Variants in TTK observed in about 807,000 individuals in gnomAD.
TTK encodes the protein TTK protein kinase.
In TTK, 59 loss-of-function variants were observed where a neutral mutation model predicts 117.3. The ratio of observed to expected loss-of-function variants is 0.50; its 90% CI spans 0.41 to 0.62. TTK has a LOEUF of 0.62. TTK is among the 20% of genes least tolerant of loss of function. The pLI is 0.00. For missense variants in TTK, 921 were observed against 989.4 expected (o/e 0.93, Z 0.93); for synonymous variants, 302 against 325.0 (o/e 0.93, Z 0.76).
chr6:80,010,758 T>G (rs1767120148), intron 4 of TTK, 56 bp from the exon 5 acceptor site: 7 of 1,502,752 alleles, frequency 4.7e-6, no homozygotes, highest in Non-Finnish European at 6.2e-6. Context: ...ATCTGGGTGG[T>G]CTGGGTGGTG....
At chr6:80,030,804 A>G (rs1206322679) in intron 13 of TTK, among the ~76,000 whole-genome samples, 1 of 152,178 alleles carries the variant, frequency 6.6e-6, no homozygotes, top group African/African-American at 2.4e-5. Context: ...CATTGCTGAA[A>G]TTTGCATTTG....
chr6:80,031,659 G>A, intron 14 of TTK, 100 bp downstream of exon 14: 1 of 839,760 alleles, frequency 1.2e-6, no homozygotes, highest in Non-Finnish European at 1.7e-6. Context: ...TTACTTCTAG[G>A]GGCGATGCTG....
chr6:80,021,580 T>C (rs1767459752), intron 10 of TTK, among the ~76,000 whole-genome samples: 1 of 152,160 alleles, frequency 6.6e-6, no homozygotes. Flanking sequence ...CAAAAGACCA[T>C]TTCAACTTTT....
intron 21 of TTK, 49 bp downstream of exon 21, chr6:80,040,752 A>C (rs1177732794): frequency 6.4e-7 from 1 of 1,553,668 alleles, no homozygotes; most frequent in East Asian, 2.3e-5. Flanking sequence ...TATATAGTGA[A>C]TTCGACACTT....
chr6:80,041,087 G>A (rs1768038389), intron 21 of TTK, among the ~76,000 whole-genome samples: 1 of 151,610 alleles, frequency 6.6e-6, no homozygotes, highest in African/African-American at 2.4e-5. Context: ...CTTTTTTGAA[G>A]CTGTACACAG....
chr6:80,025,816 T>C (rs1313515487), intron 11 of TTK, among the ~76,000 whole-genome samples: 2 of 151,864 alleles, frequency 1.3e-5, no homozygotes, highest in Non-Finnish European at 2.9e-5. Flanking sequence ...CGGATGTTCC[T>C]TCATCATTGT....
intron 20 of TTK, 103 bp downstream of exon 20, chr6:80,040,383 C>G (rs775771741): frequency 7.6e-6 from 8 of 1,047,362 alleles, no homozygotes; most frequent in Non-Finnish European, 1.1e-5. Context: ...TACCCTTTGT[C>G]AGCCTGCCTT....
At chr6:80,040,978 G>A (rs1351152495) in intron 21 of TTK, among the ~76,000 whole-genome samples, 1 of 151,752 alleles carries the variant, frequency 6.6e-6, no homozygotes, top group Non-Finnish European at 1.5e-5. Context: ...ATTTAATATA[G>A]GAATATAGTG....
rs934998687 is a variant in TTK, at chr6:80,010,904, T to G, written c.560T>G (p.Leu187Ter). ...LEMLEIALRN[L>*]NLQKKQLLSE... Reference sequence around the variant, plus strand: ...ATGCTGGAAATTGCCCTGCGGAATTTAAACCTCCAAAAAAAGCAGCTGCTT... The same window carrying G: ...ATGCTGGAAATTGCCCTGCGGAATTGAAACCTCCAAAAAAAGCAGCTGCTT... The change falls in exon 5 of 22, where the codon TTA becomes TGA. Residue 187 changes from leucine to a stop codon, truncating the protein, a stop_gained. Coordinates refer to ENST00000369798, the MANE Select transcript of TTK (RefSeq NM_003318.5). LOFTEE classifies it high-confidence loss of function. 14 of 1,612,360 alleles carry G rather than the reference T, an allele frequency of 8.7e-6. No homozygotes were observed. Among genetic ancestry groups the G allele is most frequent in the Non-Finnish European group, 1.2e-5 (14 of 1,178,774 alleles).
At chr6:80,031,178 TA>T (rs1767751305) in intron 13 of TTK, among the ~76,000 whole-genome samples, 2 of 151,610 alleles carry the variant, frequency 1.3e-5, no homozygotes, top group Admixed American at 1.3e-4. Context: ...TTTTTATATA[TA>T]TTTTTAAGCT....
Position 80,014,459 on chromosome 6 carries a change from G to A in TTK, c.985-4G>A. On this transcript the variant is annotated splice_polypyrimidine_tract_variant and splice_region_variant and intron_variant, in intron 9 of 21. Coordinates refer to ENST00000369798, the MANE Select transcript of TTK (RefSeq NM_003318.5). Reference sequence around the variant, plus strand: ...GACTTTATTTGATTTTCTTTTTCATGTAGTCTGTTCAAAATAGTCATTTCA... The same window carrying A: ...GACTTTATTTGATTTTCTTTTTCATATAGTCTGTTCAAAATAGTCATTTCA... 1.3e-6 allele frequency: 2 copies of A among 1,595,320 alleles called. No homozygotes were observed. Among genetic ancestry groups the A allele is most frequent in the Non-Finnish European group, 1.7e-6 (2 of 1,172,664 alleles).
chr6:80,017,364 G>A (rs974326745), intron 10 of TTK, among the ~76,000 whole-genome samples: 2 of 152,018 alleles, frequency 1.3e-5, no homozygotes, highest in Non-Finnish European at 2.9e-5. Context: ...TGCAACCTCC[G>A]CCTCCTGGGC....
intron 13 of TTK, among the ~76,000 whole-genome samples, chr6:80,028,322 TTTA>T (rs1000807833): frequency 2.8e-4 from 42 of 151,720 alleles, no homozygotes; most frequent in African/African-American, 8.9e-4. Context: ...TATTTATTTA[TTTA>T]TTTATTTTTT....
chr6:80,010,688 G>A, intron 4 of TTK, 126 bp from the exon 5 acceptor site: 1 of 942,780 alleles, frequency 1.1e-6, no homozygotes, highest in South Asian at 2.3e-5. Flanking sequence ...CATGAGCCTT[G>A]GAATAAATAT....
chr6:80,013,331 A>T lies in TTK; in HGVS notation c.949A>T (p.Ser317Cys). The change falls in exon 9 of 22, where the codon AGT (serine) becomes TGT (cysteine). Residue 317 changes from serine to cysteine, a missense_variant. Physicochemically the swap from Ser to Cys is moderately radical, Grantham distance 112. Transcript: ENST00000369798. ...RDLVVPGSKP[S>C]GNDSCELRNL... Reference sequence around the variant, plus strand: ...TTTGGTTGTGCCTGGATCTAAACCAAGTGGAAATGATTCCTGTGAATTAAG... The same window carrying T: ...TTTGGTTGTGCCTGGATCTAAACCATGTGGAAATGATTCCTGTGAATTAAG... 1.2e-6 allele frequency: 2 copies of T among 1,603,346 alleles called. No individual in the cohort carries two copies. The highest frequency in any genetic ancestry group is 1.7e-6 in the Non-Finnish European group (2 of 1,176,682).
At chr6:80,031,833 A>G (rs1767768375) in intron 14 of TTK, among the ~76,000 whole-genome samples, 1 of 152,174 alleles carries the variant, frequency 6.6e-6, no homozygotes, top group Non-Finnish European at 1.5e-5. Flanking sequence ...GACATGGGGT[A>G]GCGAATGACC....
At position 80,013,307 on chromosome 6, in the gene TTK, T is replaced by C. The variant is rs367548995; in HGVS notation, c.925T>C (p.Leu309=). 1.4e-5 allele frequency: 22 copies of C among 1,602,382 alleles called. No homozygotes were observed. The highest frequency in any genetic ancestry group is 1.8e-5 in the Non-Finnish European group (21 of 1,176,472). Residue 309 remains leucine, a synonymous_variant, in exon 9 of 22, where the codon TTG becomes CTG. Transcript: ENST00000369798. ...RQTSRSECRD[L]VVPGSKPSGN... is the part of the protein sequence containing the mutation. ...AACCTCTAGATCAGAATGCCGAGAT[T>C]TGGTTGTGCCTGGATCTAAACCAAG...
chr6:80,008,093 G>A, intron 3 of TTK, 62 bp downstream of exon 3: 1 of 1,516,402 alleles, frequency 6.6e-7, no homozygotes, highest in Non-Finnish European at 8.9e-7. Flanking sequence ...ACACTGCAAA[G>A]AGAGAAAATA....
intron 18 of TTK, 42 bp downstream of exon 18, chr6:80,038,089 T>A: frequency 7.1e-7 from 1 of 1,409,956 alleles, no homozygotes; most frequent in Non-Finnish European, 9.9e-7. Flanking sequence ...CTGGCAACAG[T>A]AGGGAATGCA....
Sources: gnomAD v4.1 joint callset for allele counts (sites outside exome capture counted in the v4.1 genomes callset) on GRCh38, gnomAD v4.1.1 for gene constraint, MANE v1.5 for transcripts, NCBI Gene and HGNC (gene_info 2026-07-23, HGNC 2026-07-21) for gene names.